Variants in CREB3L2 observed in about 807,000 individuals in gnomAD.
CREB3L2 encodes cyclic AMP-responsive element-binding protein 3-like protein 2.
Under a neutral mutation model 57.2 loss-of-function variants are expected in CREB3L2, and 23 were observed. That is an observed-to-expected ratio of 0.40 (90% CI 0.29 to 0.57). The LOEUF (loss-of-function observed/expected upper bound fraction) is 0.57. Among genes scored for constraint, CREB3L2 ranks in the 20% least tolerant of loss-of-function variants. The pLI is 0.42. For missense variants in CREB3L2, 628 were observed against 634.7 expected, an observed-to-expected ratio of 0.99 and a Z score of 0.11; for synonymous variants, 268 against 265.1, an observed-to-expected ratio of 1.01 and a Z score of -0.11.
rs992281243 is a variant in CREB3L2, at chr7:138,001,780, G to A, written c.-75C>T. On this transcript the variant is annotated 5_prime_UTR_variant, in exon 1 of 12. Transcript: ENST00000330387. The surrounding 1 kb of genome is among the most constrained non-coding windows in gnomAD (Gnocchi z 4.2). ...CGCAGAGCTGCCTCGGACCGGCAAG[G>A]TTCCTCTCTCTCCGCGTGTGCTTGC... 2 of 1,106,006 alleles carry A rather than the reference G, an allele frequency of 1.8e-6. No homozygotes were observed. Among genetic ancestry groups the A allele is most frequent in the Non-Finnish European group, 2.5e-6 (2 of 800,394 alleles). 68.5% of individuals were successfully genotyped at this position (1,106,006 alleles called of 1,614,324 possible).
intron 8 of CREB3L2, among the ~76,000 whole-genome samples, chr7:137,894,600 C>T (rs1002218348): frequency 2.0e-5 from 3 of 152,178 alleles, no homozygotes; most frequent in Non-Finnish European, 4.4e-5. Flanking sequence ...TGGAAATGAG[C>T]TAAGACCTTT....
intron 1 of CREB3L2, chr7:137,999,711 C>T (rs1472815847): frequency 6.6e-6 from 1 of 152,178 alleles, no homozygotes; most frequent in Non-Finnish European, 1.5e-5. Flanking sequence ...TAAACCAATA[C>T]CTCTTTCAAC....
chr7:137,907,166 A>C (rs987925526), intron 5 of CREB3L2, among the ~76,000 whole-genome samples: 1 of 152,224 alleles, frequency 6.6e-6, no homozygotes. Context: ...TCACTGAAGA[A>C]GCCACTGCCT....
intron 1 of CREB3L2, among the ~76,000 whole-genome samples, chr7:138,000,890 T>C (rs886792401): frequency 1.3e-5 from 2 of 152,180 alleles, no homozygotes; most frequent in African/African-American, 4.8e-5. Flanking sequence ...GAGGCATTAG[T>C]ATAAGACTGA....
Position 137,912,993 on chromosome 7 carries a change from T to C in CREB3L2, c.581A>G (p.Glu194Gly). Residue 194 changes from glutamate to glycine, a missense_variant and splice_region_variant, in exon 4 of 12, where the codon GAA (glutamate) becomes GGA (glycine). Around this residue, in one of 3 missense-constraint regions of CREB3L2, gnomAD observed 339 missense variants for 355.4 expected, o/e 0.95. Coordinates refer to ENST00000330387, the MANE Select transcript of CREB3L2 (RefSeq NM_194071.4). ...GGACACAGGGAGGGCAGACAGACCT[T>C]CTTTAGGAGAGAAGTTTAGAAACTG... ...VDQFLNFSPK[E>G]APVDHLHLPP... 1 of 1,613,780 alleles carries C rather than the reference T, an allele frequency of 6.2e-7. No individual in the cohort carries two copies. The highest frequency in any genetic ancestry group is 8.5e-7 in the Non-Finnish European group (1 of 1,179,764).
chr7:137,898,136 A>G (rs1799665287), intron 8 of CREB3L2, among the ~76,000 whole-genome samples: 1 of 152,218 alleles, frequency 6.6e-6, no homozygotes, highest in South Asian at 2.1e-4. Flanking sequence ...AAACATAAAA[A>G]TGGTCAACTG....
intron 1 of CREB3L2, among the ~76,000 whole-genome samples, chr7:137,930,310 G>A (rs1240586192): frequency 6.6e-6 from 1 of 152,064 alleles, no homozygotes; most frequent in African/African-American, 2.4e-5. Flanking sequence ...TAAACTTTAG[G>A]GACACTTCTA....
At chr7:137,946,427 A>G (rs889408215) in intron 1 of CREB3L2, among the ~76,000 whole-genome samples, 37 of 127,622 alleles carry the variant, frequency 2.9e-4, no homozygotes, top group Non-Finnish European at 4.4e-4. Flanking sequence ...ACAAATGCAG[A>G]AAAAAAAAAA....
At position 137,942,828 on chromosome 7, in the gene CREB3L2, T is replaced by C. The variant is rs149880063; in HGVS notation, c.103-14462A>G. ...TTGAACAATGGTGGATAGCTGCTTA[T>C]TGGATCATGAATAGGACACATTTGC... On this transcript the variant is annotated intron_variant, in intron 1 of 11. Transcript: ENST00000330387. 5.7e-4 allele frequency among the ~76,000 whole-genome samples: 87 copies of C among 152,306 alleles called. 2 individuals are homozygous for C. The South Asian group carries it at 0.014, about 24-fold the overall frequency.
At chr7:137,888,585 T>G (rs1255753726) in intron 8 of CREB3L2, among the ~76,000 whole-genome samples, 1 of 152,048 alleles carries the variant, frequency 6.6e-6, no homozygotes, top group Non-Finnish European at 1.5e-5. Context: ...CCTTGCTGGG[T>G]TCTCCCTGCT....
chr7:137,954,680 TA>T (rs1801173282), intron 1 of CREB3L2, among the ~76,000 whole-genome samples: 1 of 152,112 alleles, frequency 6.6e-6, no homozygotes, highest in Admixed American at 6.6e-5. Context: ...AACAGCAGCC[TA>T]AAGAGTTTGG....
At chr7:137,963,952 T>A (rs1801365514) in intron 1 of CREB3L2, among the ~76,000 whole-genome samples, 1 of 152,190 alleles carries the variant, frequency 6.6e-6, no homozygotes, top group Non-Finnish European at 1.5e-5. Context: ...TAAGAATGTA[T>A]CACAATCTGT....
At chr7:137,915,778 T>C in intron 3 of CREB3L2, 59 bp downstream of exon 3, 1 of 1,459,500 alleles carries the variant, frequency 6.9e-7, no homozygotes. Flanking sequence ...TATTGGAGAA[T>C]GAGGATCTAT....
chr7:137,969,653 T>C (rs923604648), intron 1 of CREB3L2, among the ~76,000 whole-genome samples: 10 of 151,764 alleles, frequency 6.6e-5, no homozygotes, highest in Admixed American at 2.0e-4. Flanking sequence ...GTCCGGCCTA[T>C]GATTTTCATT....
intron 1 of CREB3L2, among the ~76,000 whole-genome samples, chr7:137,989,346 C>A (rs917782457): frequency 7.2e-5 from 11 of 151,976 alleles, no homozygotes; most frequent in Admixed American, 7.2e-4. Flanking sequence ...CTGAATAGCA[C>A]ACTCAACCCT....
intron 8 of CREB3L2, among the ~76,000 whole-genome samples, chr7:137,890,337 C>A (rs1383760132): frequency 1.3e-5 from 2 of 152,170 alleles, no homozygotes; most frequent in African/African-American, 4.8e-5. Flanking sequence ...TTCAGGAAGT[C>A]AAGCCTGGGC....
chr7:137,904,313 T>G (rs1484072187), intron 6 of CREB3L2, among the ~76,000 whole-genome samples: 1 of 151,924 alleles, frequency 6.6e-6, no homozygotes, highest in Non-Finnish European at 1.5e-5. Flanking sequence ...GGCGGATCAC[T>G]TGAGGTCAGG....
Position 137,884,926 on chromosome 7 carries a change from G to A in CREB3L2, c.1270+69C>T, listed in dbSNP as rs1238343517. On this transcript the variant is annotated intron_variant, in intron 10 of 11. Transcript: ENST00000330387. ...GGACTTTCACAGAAGATTCCTTTTGGAAGACTGAGAAACCCAGCTCTAGGG... is the reference window on the plus strand; with the variant it reads ...GGACTTTCACAGAAGATTCCTTTTGAAAGACTGAGAAACCCAGCTCTAGGG... 4 of 1,583,002 alleles carry A rather than the reference G, an allele frequency of 2.5e-6. No homozygotes were observed. In the African/African-American group the frequency reaches 4.0e-5, roughly 16 times the overall value.
In CREB3L2 at chr7:137,903,973, G is replaced by C; in HGVS notation, c.960C>G (p.Asp320Glu). The change falls in exon 7 of 12, where the codon GAC (aspartate) becomes GAG (glutamate). Residue 320 changes from aspartate (D) to glutamate (E), a missense_variant. Physicochemically the swap from Asp to Glu is conservative, Grantham distance 45. Around this residue, in one of 3 missense-constraint regions of CREB3L2, gnomAD observed 272 missense variants for 242.7 expected, o/e 1.12. Coordinates refer to ENST00000330387, the MANE Select transcript of CREB3L2 (RefSeq NM_194071.4). ...AGCAGGCTTACTTTTTCTCCAGGCTGTCCATGTATTCTTTCTTCTTTCTCC... is the reference window on the plus strand; with the variant it reads ...AGCAGGCTTACTTTTTCTCCAGGCTCTCCATGTATTCTTTCTTCTTTCTCC... ...ESRRKKKEYM[D>E]SLEKKVESCS... The C allele has an allele frequency of 6.2e-7, 1 of 1,613,802 alleles. No individual in the cohort carries two copies. The highest frequency in any genetic ancestry group is 8.5e-7 in the Non-Finnish European group (1 of 1,179,694).
Sources: allele counts gnomAD v4.1 joint callset (sites outside exome capture counted in the v4.1 genomes callset), GRCh38; gene constraint gnomAD v4.1.1; regional missense constraint gnomAD v4.1.1; non-coding constraint Gnocchi (gnomAD v3.1); transcripts MANE v1.5; gene names NCBI Gene and HGNC (gene_info 2026-07-23, HGNC 2026-07-21).